Variants in SYNRG observed in about 807,000 individuals in gnomAD.
SYNRG encodes the protein AP1 gamma subunit binding protein 1.
In SYNRG, 37 loss-of-function variants were observed where a neutral mutation model predicts 130.9. The ratio of observed to expected loss-of-function variants is 0.28; its 90% CI spans 0.22 to 0.37. The LOEUF is 0.37. SYNRG is among the 10% of genes least tolerant of loss of function. The pLI is 1.00. For synonymous variants in SYNRG, 539 were observed against 568.1 expected, an observed-to-expected ratio of 0.95 and a Z score of 0.73; for missense variants, 1,338 against 1,588.9, an observed-to-expected ratio of 0.84 and a Z score of 2.68.
chr17:37,569,238 C>A (rs934744642), intron 10 of SYNRG, among the ~76,000 whole-genome samples: 1 of 152,130 alleles, frequency 6.6e-6, no homozygotes, highest in African/African-American at 2.4e-5. Context: ...GGCGAAACGC[C>A]ATCTCCACTA....
At position 37,596,309 on chromosome 17, in the gene SYNRG, T is replaced by C. The variant is rs150020545; in HGVS notation, c.154A>G (p.Met52Val). 3.7e-6 allele frequency: 6 copies of C among 1,614,056 alleles called. No homozygotes were observed. The highest frequency in any genetic ancestry group is 2.2e-5 in the East Asian group (1 of 44,890). The change falls in exon 3 of 22, where the codon ATG (methionine) becomes GTG (valine). Residue 52 changes from methionine to valine, a missense_variant. Physicochemically the swap from Met to Val is conservative, Grantham distance 21. Around this residue, in one of 3 missense-constraint regions of SYNRG, gnomAD observed 184 missense variants for 217.2 expected, o/e 0.85. Coordinates refer to ENST00000612223, the MANE Select transcript of SYNRG (RefSeq NM_007247.6). ...ATATTAGGCTGCATGACAGAGACCA[T>C]AGGAAATCCTTGTTGCTGCATCGGC... ...LMPMQQQGFP[M>V]VSVMQPNMQG...
intron 3 of SYNRG, among the ~76,000 whole-genome samples, chr17:37,593,029 ATGTAT>A (rs1370173749): frequency 5.3e-5 from 8 of 152,198 alleles, no homozygotes; most frequent in Non-Finnish European, 1.0e-4. Flanking sequence ...TAATTTTAAA[ATGTAT>A]TGTACATCAT....
intron 6 of SYNRG, 125 bp downstream of exon 6, chr17:37,584,523 T>C (rs1178886316): frequency 1.8e-5 from 13 of 731,504 alleles, no homozygotes; most frequent in Non-Finnish European, 2.6e-5. Flanking sequence ...TCCAAATCTG[T>C]ACTTAGCTTG....
At chr17:37,556,148 C>T (rs2059105032) in intron 13 of SYNRG, among the ~76,000 whole-genome samples, 1 of 151,978 alleles carries the variant, frequency 6.6e-6, no homozygotes. Context: ...ATAATGCAGG[C>T]TTAAAATATA....
Position 37,536,062 on chromosome 17 carries a change from T to A in SYNRG, c.3583A>T (p.Ser1195Cys), listed in dbSNP as rs770548196. ...ELGIKATAVC[S>C]EKLQQLLKDI... ...TTCAGCAACTGCTGGAGTTTCTCAC[T>A]GCACACTGCAGTGGCTTTTATCCCC... is the stretch of plus-strand genomic sequence containing the variant. The change falls in exon 19 of 22, where the codon AGT becomes TGT. Residue 1195 changes from serine to cysteine, a missense_variant. Transcript: ENST00000612223. The A allele has an allele frequency of 2.5e-6, 4 of 1,614,062 alleles. No homozygotes were observed. The African/African-American group carries it at 5.3e-5, about 22-fold the overall frequency.
rs1031752878 is a variant in SYNRG, at chr17:37,516,062, A to G, written c.*2878T>C. On this transcript the variant is annotated 3_prime_UTR_variant, in exon 22 of 22. Transcript: ENST00000612223. ...TCAAGCATGTCCAGACAAAAATTAAATTACACACTAAGCCATAAAAATTTT... is the reference window on the plus strand; with the variant it reads ...TCAAGCATGTCCAGACAAAAATTAAGTTACACACTAAGCCATAAAAATTTT... 5 of 152,212 alleles carry G rather than the reference A, an allele frequency of 3.3e-5. No homozygotes were observed. The highest frequency in any genetic ancestry group is 9.6e-5 in the African/African-American group (4 of 41,460). The allele number at this position is 152,212 out of a possible 1,614,324, so 9.4% of individuals were successfully genotyped here. A position where few individuals can be genotyped will look rare whatever the true frequency, so the allele number is the denominator to read the frequency against.
chr17:37,524,027 G>A (rs2055504680), intron 19 of SYNRG, among the ~76,000 whole-genome samples: 1 of 152,208 alleles, frequency 6.6e-6, no homozygotes, highest in Admixed American at 6.5e-5. Flanking sequence ...CTGCACAGGC[G>A]CTGCACAATG....
chr17:37,598,485 T>C (rs1568538819), intron 2 of SYNRG, among the ~76,000 whole-genome samples: 1 of 152,214 alleles, frequency 6.6e-6, no homozygotes, highest in Non-Finnish European at 1.5e-5. Context: ...TTTTAACTGA[T>C]TTTATTTTAT....
chr17:37,606,081 G>C, intron 1 of SYNRG: 1 of 910,618 alleles, frequency 1.1e-6, no homozygotes, highest in Non-Finnish European at 1.3e-6. Flanking sequence ...CCCTGAAACT[G>C]AATTTCCTTA....
chr17:37,546,746 A>G (rs1762931082), intron 14 of SYNRG, among the ~76,000 whole-genome samples: 1 of 152,232 alleles, frequency 6.6e-6, no homozygotes, highest in Non-Finnish European at 1.5e-5. Flanking sequence ...GAGAAAGAAG[A>G]AAGGAGATAT....
In SYNRG at chr17:37,576,337, T is replaced by C; in HGVS notation, c.901+4A>G. ...GGGAATCCTGGGTAAAGAAGCTTTTTTACCTGGAACCAAACTCTCATTGTA... is the reference window on the plus strand; with the variant it reads ...GGGAATCCTGGGTAAAGAAGCTTTTCTACCTGGAACCAAACTCTCATTGTA... On this transcript the variant is annotated splice_donor_region_variant and intron_variant, in intron 8 of 21. Transcript: ENST00000612223. The C allele has an allele frequency of 6.2e-7, 1 of 1,613,712 alleles. No homozygotes were observed. Among genetic ancestry groups the C allele is most frequent in the South Asian group, 1.1e-5 (1 of 91,060 alleles).
intron 1 of SYNRG, among the ~76,000 whole-genome samples, chr17:37,608,373 A>G (rs2064003151): frequency 6.6e-6 from 1 of 152,196 alleles, no homozygotes; most frequent in Admixed American, 6.5e-5. Flanking sequence ...TTACCTCCAA[A>G]TGTGTGTGCT....
intron 19 of SYNRG, 45 bp from the exon 20 acceptor site, chr17:37,520,693 C>T (rs778153422): frequency 6.8e-5 from 102 of 1,511,006 alleles, no homozygotes; most frequent in Non-Finnish European, 9.2e-5. Flanking sequence ...CACAAGTCCA[C>T]ACGCTGTTCA....
Position 37,542,247 on chromosome 17 carries a change from TC to T in SYNRG, c.2926del (p.Glu976SerfsTer65). 6.2e-7 allele frequency: 1 copy of T among 1,614,236 alleles called. No individual in the cohort carries two copies. Among genetic ancestry groups the T allele is most frequent in the African/African-American group, 1.3e-5 (1 of 75,062 alleles). ...GTCTCTGTTTTCATATTCCTTTTGCTCACTGGTCTGAGGAATCGTGTCTTTA... is the reference window on the plus strand; with the variant it reads ...GTCTCTGTTTTCATATTCCTTTTGCTACTGGTCTGAGGAATCGTGTCTTTA... ...SFKDTIPQTS[E>X]QKEYENRDYK... On this transcript the variant is annotated frameshift_variant, in exon 15 of 22. Coordinates refer to ENST00000612223, the MANE Select transcript of SYNRG (RefSeq NM_007247.6). LOFTEE classifies it high-confidence loss of function.
In SYNRG at chr17:37,542,073, A is replaced by G; in HGVS notation, c.3101T>C (p.Ile1034Thr). ...FGEFQSEKPK[I>T]SKFDFLVATS... ...GGCTACTAAGAAGTCAAATTTGCTGATTTTGGGCTTTTCACTTTGAAACTC... is the reference window on the plus strand; with the variant it reads ...GGCTACTAAGAAGTCAAATTTGCTGGTTTTGGGCTTTTCACTTTGAAACTC... The change falls in exon 15 of 22, where the codon ATC becomes ACC. Residue 1034 changes from isoleucine (I) to threonine (T), a missense_variant. Physicochemically the swap from Ile to Thr is moderately conservative, Grantham distance 89 (BLOSUM62 -1). Coordinates refer to ENST00000612223, the MANE Select transcript of SYNRG (RefSeq NM_007247.6). The G allele has an allele frequency of 6.2e-7, 1 of 1,614,184 alleles. No homozygotes were observed. Among genetic ancestry groups the G allele is most frequent in the Non-Finnish European group, 8.5e-7 (1 of 1,180,028 alleles).
chr17:37,584,786 T>G, intron 5 of SYNRG, 27 bp from the exon 6 acceptor site: 3 of 1,542,388 alleles, frequency 1.9e-6, no homozygotes, highest in Non-Finnish European at 1.8e-6. Context: ...ATATGCGTAT[T>G]TCTTTACTTA....
At chr17:37,536,252 T>A (rs1175371720) in intron 18 of SYNRG, 125 bp from the exon 19 acceptor site, 1 of 1,180,610 alleles carries the variant, frequency 8.5e-7, no homozygotes, top group Non-Finnish European at 1.2e-6. Context: ...GAGGTGTACT[T>A]ACTATTCTTT....
At chr17:37,541,285 G>C (rs1040067020) in intron 15 of SYNRG, 23 of 984,264 alleles carry the variant, frequency 2.3e-5, no homozygotes, top group Non-Finnish European at 2.7e-5. Flanking sequence ...AAGCAGAAGA[G>C]GCAAACTCAA....
chr17:37,588,110 T>G (rs2061840419), intron 3 of SYNRG, among the ~76,000 whole-genome samples: 1 of 152,170 alleles, frequency 6.6e-6, no homozygotes, highest in South Asian at 2.1e-4. Context: ...CTTGTAAATA[T>G]CCTTAATTCC....
Sources: gnomAD v4.1 joint callset for allele counts (sites outside exome capture counted in the v4.1 genomes callset) on GRCh38, gnomAD v4.1.1 for gene constraint, gnomAD v4.1.1 regional missense constraint, MANE v1.5 for transcripts, NCBI Gene and HGNC (gene_info 2026-07-23, HGNC 2026-07-21) for gene names.